PRRC2C: variants seen among roughly 807,000 people sequenced by gnomAD.
The protein encoded by PRRC2C is proline rich coiled-coil 2C, also known as protein PRRC2C.
A neutral mutation model predicts 317.2 loss-of-function variants in PRRC2C; 72 were observed. The observed-to-expected ratio is 0.23, with a 90% CI of 0.19 to 0.28. The LOEUF (loss-of-function observed/expected upper bound fraction) is 0.28, where lower values mean the gene tolerates loss of function less well. PRRC2C is among the 10% of genes least tolerant of loss of function. PRRC2C has a pLI of 1.00. For synonymous variants in PRRC2C, 1,296 were observed against 1,205.9 expected (o/e 1.07, Z -1.55); for missense variants, 3,074 against 3,459.7 (o/e 0.89, Z 2.80).
chr1:171,591,885 G>GCCC lies in PRRC2C; in HGVS notation c.*38_*39insCCC. 2.3e-6 allele frequency: 1 copy of GCCC among 433,594 alleles called. No homozygotes were observed. Among genetic ancestry groups the GCCC allele is most frequent in the Non-Finnish European group, 4.3e-6 (1 of 233,616 alleles). The allele number at this position is 433,594 out of a possible 1,614,324, so 26.9% of individuals were successfully genotyped here. A position where few individuals can be genotyped will look rare whatever the true frequency, so the allele number is the denominator to read the frequency against. On this transcript the variant is annotated 3_prime_UTR_variant, in exon 35 of 35. Coordinates refer to ENST00000647382, the MANE Select transcript of PRRC2C (RefSeq NM_001387844.1). ...ATTGCAGGGGATTGGGAGGGGGGCGGGAAAACATGGAGAATTAAGTCAGAT... is the reference window on the plus strand; with the variant it reads ...ATTGCAGGGGATTGGGAGGGGGGCGGCCCGAAAACATGGAGAATTAAGTCAGAT...
Position 171,579,999 on chromosome 1 carries a change from T to A in PRRC2C, c.7409+35T>A, listed in dbSNP as rs570700481. 5.6e-6 allele frequency: 8 copies of A among 1,441,134 alleles called. No individual in the cohort carries two copies. In the Admixed American group the frequency reaches 8.1e-5, roughly 15 times the overall value. 89.3% of individuals were successfully genotyped at this position (1,441,134 alleles called of 1,614,324 possible). A position where few individuals can be genotyped will look rare whatever the true frequency, so the allele number is the denominator to read the frequency against. ...TTAAAAGTTATGTTTGTAATGATGT[T>A]GAAAACATTGTAACTGCTGATCCTC... is the stretch of plus-strand genomic sequence containing the variant. On this transcript the variant is annotated intron_variant, in intron 28 of 34. Transcript: ENST00000647382.
intron 7 of PRRC2C, among the ~76,000 whole-genome samples, chr1:171,522,710 G>A (rs988738536): frequency 3.9e-5 from 6 of 152,146 alleles, no homozygotes; most frequent in Non-Finnish European, 8.8e-5. Context: ...GGAGGCGGAA[G>A]TTGCAATGAG....
chr1:171,551,779 T>C, intron 18 of PRRC2C, among the ~76,000 whole-genome samples: 1 of 152,024 alleles, frequency 6.6e-6, no homozygotes, highest in Non-Finnish European at 1.5e-5. Flanking sequence ...TGTAGATGGG[T>C]GGTGTTATTT....
intron 3 of PRRC2C, among the ~76,000 whole-genome samples, chr1:171,514,236 CTG>C (rs1297484201): frequency 2.0e-5 from 3 of 149,130 alleles, no homozygotes; most frequent in African/African-American, 7.6e-5. Flanking sequence ...TATTTGGTAA[CTG>C]TGTTTAATTA....
chr1:171,590,020 C>T (rs1167876046), intron 34 of PRRC2C, among the ~76,000 whole-genome samples: 4 of 150,358 alleles, frequency 2.7e-5, no homozygotes, highest in South Asian at 2.1e-4. Context: ...TTTCTTCCCC[C>T]CTTTCCCCTG....
In PRRC2C at chr1:171,557,954, A is replaced by G. The variant is rs755638165; in HGVS notation, c.5842A>G (p.Thr1948Ala). 1.7e-5 allele frequency: 27 copies of G among 1,609,198 alleles called. No individual in the cohort carries two copies. In the African/African-American group the frequency reaches 2.3e-4, roughly 14 times the overall value. The change falls in exon 19 of 35, where the codon ACT (threonine) becomes GCT (alanine). Residue 1948 changes from threonine to alanine, a missense_variant. By Grantham distance (58) the Thr-to-Ala change is moderately conservative (BLOSUM62 0). Coordinates refer to ENST00000647382, the MANE Select transcript of PRRC2C (RefSeq NM_001387844.1). ...THKPVQNPLQ[T>A]TSQSSKQPPP... ...CAAACCAGTCCAGAATCCACTACAG[A>G]CTACATCTCAGTCTTCAAAACAACC...
chr1:171,512,996 T>G lies in PRRC2C; in HGVS notation c.114T>G (p.Val38=). 1 of 1,598,834 alleles carries G rather than the reference T, an allele frequency of 6.3e-7. No homozygotes were observed. The highest frequency in any genetic ancestry group is 8.5e-7 in the Non-Finnish European group (1 of 1,174,030). The change falls in exon 3 of 35, where the codon GTT becomes GTG. Residue 38 remains valine (V), a splice_region_variant and synonymous_variant. Coordinates refer to ENST00000647382, the MANE Select transcript of PRRC2C (RefSeq NM_001387844.1). ...GKSLETQKTT[V]AARHGLQSLG... is the part of the protein sequence containing the mutation. ...AAAGTTGATGTTATTGATCTTTAGT[T>G]GCAGCTCGACATGGATTACAGAGTC...
intron 34 of PRRC2C, among the ~76,000 whole-genome samples, chr1:171,590,568 A>G (rs1053036555): frequency 5.9e-5 from 9 of 152,314 alleles, no homozygotes; most frequent in Admixed American, 3.9e-4. Context: ...TCCTATTAGA[A>G]AATTTGATTG....
In PRRC2C at chr1:171,534,659, A is replaced by G. The variant is rs150307210; in HGVS notation, c.1874-769A>G. On this transcript the variant is annotated intron_variant, in intron 12 of 34. Coordinates refer to ENST00000647382, the MANE Select transcript of PRRC2C (RefSeq NM_001387844.1). ...CAGGCTGGTCTCAAACTCCCAGGCT[A>G]AAGTGATCCTCTCACCTCAGCCTCC... Among the ~76,000 whole-genome samples, 586 of 152,138 alleles carry G rather than the reference A, an allele frequency of 3.9e-3. 3 individuals are homozygous for G. The highest frequency in any genetic ancestry group is 0.013 in the African/African-American group (535 of 41,490).
chr1:171,500,477 C>G (rs1450736457), intron 1 of PRRC2C, among the ~76,000 whole-genome samples: 3 of 152,138 alleles, frequency 2.0e-5, no homozygotes, highest in African/African-American at 4.8e-5. Context: ...TAGCTCACTG[C>G]AGCCCTGAAC....
Position 171,535,157 on chromosome 1 carries a change from T to TA in PRRC2C, c.1874-271_1874-270insA, listed in dbSNP as rs200013905. 6.7e-3 allele frequency among the ~76,000 whole-genome samples: 1,004 copies of TA among 150,824 alleles called. 4 individuals are homozygous for TA. The highest frequency in any genetic ancestry group is 0.017 in the Middle Eastern group (5 of 290). ...TGTGGAGTTGGAAATGTTTCATTAT[T>TA]TAAAAAAAAAAAACATAGATTTTAT... On this transcript the variant is annotated intron_variant, in intron 12 of 34. Transcript: ENST00000647382.
intron 1 of PRRC2C, among the ~76,000 whole-genome samples, chr1:171,490,125 G>T (rs1373530725): frequency 6.6e-6 from 1 of 152,046 alleles, no homozygotes; most frequent in African/African-American, 2.4e-5. Flanking sequence ...TCACCATGTT[G>T]TCAGACTGGT....
intron 17 of PRRC2C, among the ~76,000 whole-genome samples, chr1:171,546,461 A>AT: frequency 6.6e-6 from 1 of 152,314 alleles, no homozygotes; most frequent in African/African-American, 2.4e-5. Flanking sequence ...CATCTGCCTA[A>AT]TTGTTATTTG....
intron 15 of PRRC2C, among the ~76,000 whole-genome samples, chr1:171,538,472 T>C (rs1677278415): frequency 6.6e-6 from 1 of 152,246 alleles, no homozygotes. Context: ...CAATTGGTGA[T>C]GACTGTAATA....
intron 1 of PRRC2C, among the ~76,000 whole-genome samples, chr1:171,490,109 G>T (rs1033928088): frequency 6.6e-6 from 1 of 151,958 alleles, no homozygotes; most frequent in African/African-American, 2.4e-5. Flanking sequence ...TAGTAGAGAT[G>T]GGGTTTCACC....
At chr1:171,519,645 A>G (rs1404873678) in intron 6 of PRRC2C, among the ~76,000 whole-genome samples, 1 of 151,990 alleles carries the variant, frequency 6.6e-6, no homozygotes, top group African/African-American at 2.4e-5. Context: ...GTGAAGTTGT[A>G]AAACAAGTCA....
At chr1:171,545,744 T>TA (rs1175462310) in intron 17 of PRRC2C, 57 bp downstream of exon 17, 4 of 1,034,044 alleles carry the variant, frequency 3.9e-6, no homozygotes, top group Admixed American at 4.3e-5. Context: ...TTTATTTATT[T>TA]ATTTGCTACA....
In PRRC2C at chr1:171,591,597, G is replaced by A; in HGVS notation, c.8447G>A (p.Arg2816Lys). The A allele has an allele frequency of 1.2e-6, 2 of 1,613,668 alleles. No individual in the cohort carries two copies. Among genetic ancestry groups the A allele is most frequent in the African/African-American group, 1.3e-5 (1 of 75,020 alleles). ...KAEQDMKAKQ[R>K]AEVLQSTQRF... Reference sequence around the variant, plus strand: ...TTCTCATTTTTTAAGGCAAAGCAGAGAGCAGAGGTTCTTCAGTCCACGCAA... The same window carrying A: ...TTCTCATTTTTTAAGGCAAAGCAGAAAGCAGAGGTTCTTCAGTCCACGCAA... The change falls in exon 35 of 35, where the codon AGA becomes AAA. Residue 2816 changes from arginine to lysine, a missense_variant. Transcript: ENST00000647382.
At chr1:171,566,048 G>A (rs917201318) in intron 20 of PRRC2C, among the ~76,000 whole-genome samples, 185 bp from the exon 21 acceptor site, 2 of 152,116 alleles carry the variant, frequency 1.3e-5, no homozygotes, top group African/African-American at 4.8e-5. Flanking sequence ...CATCTTATCA[G>A]TTGTTTTCTA....
Sources: allele counts gnomAD v4.1 joint callset (sites outside exome capture counted in the v4.1 genomes callset), GRCh38; gene constraint gnomAD v4.1.1; transcripts MANE v1.5; gene names NCBI Gene and HGNC (gene_info 2026-07-23, HGNC 2026-07-21).